The following ZBTB2 variants were observed in gnomAD, a reference collection of about 807,000 sequenced individuals.
ZBTB2 encodes the protein zinc finger and BTB domain-containing protein 2.
ZBTB2 carries 2 observed loss-of-function variants against 39.5 expected under a neutral mutation model. The ratio of observed to expected loss-of-function variants is 0.05; its 90% CI spans 0.02 to 0.16. The LOEUF is 0.16. Ranked by LOEUF, ZBTB2 falls within the 10% of genes least tolerant of loss-of-function variation. The pLI, the probability that ZBTB2 is intolerant of heterozygous loss-of-function variation, is 1.00. For synonymous variants in ZBTB2, 251 were observed against 256.6 expected, an observed-to-expected ratio of 0.98 and a Z score of 0.21; for missense variants, 391 against 653.0, an observed-to-expected ratio of 0.60 and a Z score of 4.37.
intron 1 of ZBTB2, among the ~76,000 whole-genome samples, chr6:151,382,900 T>A (rs1356443135): frequency 2.0e-5 from 3 of 152,032 alleles, no homozygotes. Flanking sequence ...ACATAAAATG[T>A]TACTTTAATA....
At chr6:151,389,619 A>G (rs931072885) in intron 1 of ZBTB2, among the ~76,000 whole-genome samples, 1 of 152,236 alleles carries the variant, frequency 6.6e-6, no homozygotes, top group African/African-American at 2.4e-5. Flanking sequence ...TACTAAAACA[A>G]TACCCTGATA....
At chr6:151,387,968 A>G (rs957327363) in intron 1 of ZBTB2, among the ~76,000 whole-genome samples, 2 of 152,198 alleles carry the variant, frequency 1.3e-5, no homozygotes, top group Non-Finnish European at 2.9e-5. Flanking sequence ...TAATATTTTA[A>G]TTATTTAATA....
At chr6:151,380,886 A>C (rs1779019920) in intron 1 of ZBTB2, among the ~76,000 whole-genome samples, 1 of 151,892 alleles carries the variant, frequency 6.6e-6, no homozygotes, top group South Asian at 2.1e-4. Context: ...TTTAGGTAAA[A>C]CTCAACTCAA....
intron 1 of ZBTB2, among the ~76,000 whole-genome samples, chr6:151,388,834 G>A (rs1213503225): frequency 6.6e-6 from 1 of 152,212 alleles, no homozygotes; most frequent in African/African-American, 2.4e-5. Flanking sequence ...GCTAGTGGTA[G>A]AGATTGCTCA....
intron 1 of ZBTB2, among the ~76,000 whole-genome samples, chr6:151,374,690 G>T (rs1269538060): frequency 6.6e-6 from 1 of 150,854 alleles, no homozygotes; most frequent in Admixed American, 6.6e-5. Context: ...TCTAGCTCAC[G>T]CAACAAAGCA....
chr6:151,369,912 A>G (rs1778748985), intron 2 of ZBTB2, among the ~76,000 whole-genome samples: 1 of 148,130 alleles, frequency 6.8e-6, no homozygotes, highest in Admixed American at 6.6e-5. Flanking sequence ...CCATCTCAAA[A>G]CAAACAAACA....
intron 1 of ZBTB2, among the ~76,000 whole-genome samples, chr6:151,384,108 T>C (rs921274915): frequency 3.9e-5 from 6 of 152,230 alleles, no homozygotes; most frequent in African/African-American, 1.2e-4. Flanking sequence ...CCTGCTGTTT[T>C]GGAATAATTT....
At chr6:151,379,397 T>A (rs896932916) in intron 1 of ZBTB2, among the ~76,000 whole-genome samples, 14 of 152,062 alleles carry the variant, frequency 9.2e-5, no homozygotes, top group African/African-American at 3.4e-4. Flanking sequence ...TCCTAGCACT[T>A]GGGGAGGCCA....
chr6:151,376,804 A>G (rs1162777547), intron 1 of ZBTB2, among the ~76,000 whole-genome samples: 1 of 152,202 alleles, frequency 6.6e-6, no homozygotes, highest in Non-Finnish European at 1.5e-5. Context: ...AAAAACTAAA[A>G]ATGCAACTAC....
intron 1 of ZBTB2, among the ~76,000 whole-genome samples, chr6:151,382,030 G>A (rs1308241554): frequency 6.6e-6 from 1 of 152,152 alleles, no homozygotes; most frequent in Non-Finnish European, 1.5e-5. Context: ...CACAGGCCTA[G>A]GCTATATGGT....
intron 1 of ZBTB2, among the ~76,000 whole-genome samples, chr6:151,374,953 A>C (rs1206491390): frequency 1.3e-5 from 2 of 148,870 alleles, no homozygotes; most frequent in Non-Finnish European, 3.0e-5. Context: ...AAAAAAAAAA[A>C]ACAACAAAAA....
chr6:151,385,112 T>C (rs1779124786), intron 1 of ZBTB2, among the ~76,000 whole-genome samples: 1 of 152,180 alleles, frequency 6.6e-6, no homozygotes, highest in Non-Finnish European at 1.5e-5. Context: ...TGAGAGGAAC[T>C]GAAGAAAAGT....
At chr6:151,379,646 AAAAAAAAAAAAAAAG>A (rs1300308238) in intron 1 of ZBTB2, among the ~76,000 whole-genome samples, 1 of 150,886 alleles carries the variant, frequency 6.6e-6, no homozygotes, top group Non-Finnish European at 1.5e-5. Flanking sequence ...TGAAAAAAAA[AAAAAAAAAAAAAAAG>A]AAAAAAAGAA....
chr6:151,391,192 G>C (rs1779298912), intron 1 of ZBTB2, among the ~76,000 whole-genome samples: 2 of 150,870 alleles, frequency 1.3e-5, no homozygotes, highest in Non-Finnish European at 3.0e-5. Flanking sequence ...CCCGCGAGGC[G>C]CCCCTGCCCT....
At chr6:151,374,724 G>C (rs926363313) in intron 1 of ZBTB2, among the ~76,000 whole-genome samples, 10 of 143,614 alleles carry the variant, frequency 7.0e-5, no homozygotes, top group African/African-American at 2.1e-4. Flanking sequence ...AAAGCATATA[G>C]AAGAAAAAGA....
chr6:151,390,450 G>A (rs1202438113), intron 1 of ZBTB2, among the ~76,000 whole-genome samples: 2 of 149,328 alleles, frequency 1.3e-5, no homozygotes, highest in African/African-American at 4.9e-5. Context: ...GTGCGCGCGC[G>A]CGCTCGCCCC....
chr6:151,365,647 C>G lies in ZBTB2; in HGVS notation c.1419G>C (p.Ser473=). 6.2e-7 allele frequency: 1 copy of G among 1,614,192 alleles called. No homozygotes were observed. The highest frequency in any genetic ancestry group is 8.5e-7 in the Non-Finnish European group (1 of 1,180,040). ...VVKHSCQNQN[S]DVFALDEGRS... is the part of the protein sequence containing the mutation. The stretch of plus-strand genomic sequence containing the variant: ...GCCCTTCGTCTAGGGCAAAAACATC[C>G]GAGTTCTGGTTTTGGCATGAATGTT... The change falls in exon 3 of 3, where the codon TCG becomes TCC. Residue 473 remains serine (S), a synonymous_variant. Coordinates refer to ENST00000325144, the MANE Select transcript of ZBTB2 (RefSeq NM_020861.3). This position sits in a 1 kb window ranked among gnomAD's most constrained non-coding sequence, Gnocchi z 5.6.
At chr6:151,375,106 C>T (rs113622272) in intron 1 of ZBTB2, among the ~76,000 whole-genome samples, 7,206 of 151,714 alleles carry the variant, frequency 0.047, 551 homozygotes, top group African/African-American at 0.16. Flanking sequence ...GGTGACACAG[C>T]GAGACTCCAT....
At chr6:151,373,843 TAAAAAAAAAAAAAAAAAAAAAA>T (rs200070063) in intron 1 of ZBTB2, among the ~76,000 whole-genome samples, 194 bp from the exon 2 acceptor site, 4 of 45,960 alleles carry the variant, frequency 8.7e-5, no homozygotes, top group East Asian at 1.1e-3. Context: ...ATTATGCCTT[TAAAAAAAAAAAAAAAAAAAAAA>T]AAAAAAAAAA....
Sources: allele counts gnomAD v4.1 joint callset (sites outside exome capture counted in the v4.1 genomes callset), GRCh38; gene constraint gnomAD v4.1.1; non-coding constraint Gnocchi (gnomAD v3.1); transcripts MANE v1.5; gene names NCBI Gene and HGNC (gene_info 2026-07-23, HGNC 2026-07-21).